The following SSBP2 variants were observed in gnomAD, a reference collection of about 807,000 sequenced individuals.
The protein encoded by SSBP2 is single-stranded DNA-binding protein 2.
Under a neutral mutation model 61.8 loss-of-function variants are expected in SSBP2, and 17 were observed. That is an observed-to-expected ratio of 0.28 (90% CI 0.19 to 0.41). The LOEUF is 0.41. Among genes scored for constraint, SSBP2 ranks in the 10% least tolerant of loss-of-function variants. The pLI is 1.00. For synonymous variants in SSBP2, 139 were observed against 141.3 expected (o/e 0.98, Z 0.12); for missense variants, 310 against 458.7 (o/e 0.68, Z 2.96).
At chr5:81,669,282 T>C (rs564590000) in intron 1 of SSBP2, among the ~76,000 whole-genome samples, 1 of 152,284 alleles carries the variant, frequency 6.6e-6, no homozygotes, top group Non-Finnish European at 1.5e-5. Context: ...GGCAATTTCT[T>C]ACAAAGCTAA....
chr5:81,548,994 T>C (rs1193565347), intron 4 of SSBP2, among the ~76,000 whole-genome samples: 1 of 152,210 alleles, frequency 6.6e-6, no homozygotes, highest in Non-Finnish European at 1.5e-5. Context: ...TTAACTGACA[T>C]TATATTTATT....
At chr5:81,661,021 A>G (rs976573999) in intron 1 of SSBP2, among the ~76,000 whole-genome samples, 2 of 146,088 alleles carry the variant, frequency 1.4e-5, no homozygotes, top group Non-Finnish European at 3.0e-5. Context: ...GTGGGGGGTC[A>G]GGGGAGGGAG....
chr5:81,750,949 G>A, intron 1 of SSBP2, 32 bp downstream of exon 1: 2 of 1,572,862 alleles, frequency 1.3e-6, no homozygotes, highest in Non-Finnish European at 1.7e-6. Flanking sequence ...CGCGTGTGAA[G>A]GCGGAGGTGG....
At chr5:81,501,817 C>T (rs1349332349) in intron 5 of SSBP2, among the ~76,000 whole-genome samples, 1 of 151,854 alleles carries the variant, frequency 6.6e-6, no homozygotes. Context: ...CCCGCCTTGG[C>T]CTCCCAAAGT....
intron 5 of SSBP2, among the ~76,000 whole-genome samples, chr5:81,499,436 G>A (rs887938760): frequency 1.3e-5 from 2 of 152,186 alleles, no homozygotes; most frequent in Admixed American, 6.5e-5. Flanking sequence ...TTGGATAAAG[G>A]TGTGTAGCAA....
intron 1 of SSBP2, among the ~76,000 whole-genome samples, chr5:81,665,082 T>C (rs1249725508): frequency 6.6e-6 from 1 of 152,218 alleles, no homozygotes; most frequent in Non-Finnish European, 1.5e-5. Context: ...AATAGTTTTC[T>C]CTACTTCTGT....
chr5:81,543,346 T>G (rs1189494352), intron 4 of SSBP2, among the ~76,000 whole-genome samples: 1 of 152,196 alleles, frequency 6.6e-6, no homozygotes, highest in Non-Finnish European at 1.5e-5. Context: ...ACACATGTCC[T>G]TTGCAGCAAC....
At chr5:81,528,788 A>G (rs183850605) in intron 4 of SSBP2, among the ~76,000 whole-genome samples, 95 of 152,222 alleles carry the variant, frequency 6.2e-4, no homozygotes, top group African/African-American at 2.3e-3. Context: ...TCTTTAGTCA[A>G]TAATGAAAGG....
chr5:81,435,586 A>G (rs1762623617), intron 15 of SSBP2, among the ~76,000 whole-genome samples: 2 of 152,236 alleles, frequency 1.3e-5, no homozygotes, highest in African/African-American at 2.4e-5. Context: ...CAGAAGGAAT[A>G]GCAACCGATC....
chr5:81,641,102 A>G (rs894185212), intron 2 of SSBP2, among the ~76,000 whole-genome samples: 5 of 152,196 alleles, frequency 3.3e-5, no homozygotes, highest in African/African-American at 1.2e-4. Flanking sequence ...CTAGGTTTCA[A>G]TGCCAGGGTG....
At chr5:81,461,427 G>A (rs1764531373) in intron 9 of SSBP2, among the ~76,000 whole-genome samples, 1 of 151,990 alleles carries the variant, frequency 6.6e-6, no homozygotes, top group South Asian at 2.1e-4. Context: ...CACTTCTGTA[G>A]TGAAAAGTAT....
intron 6 of SSBP2, among the ~76,000 whole-genome samples, chr5:81,487,560 AAG>A (rs1334678315): frequency 1.3e-5 from 2 of 152,162 alleles, no homozygotes; most frequent in East Asian, 3.9e-4. Flanking sequence ...AAGTAAACAA[AAG>A]TATGTTCATG....
At chr5:81,640,762 C>T (rs1581231281) in intron 2 of SSBP2, among the ~76,000 whole-genome samples, 1 of 150,526 alleles carries the variant, frequency 6.6e-6, no homozygotes, top group African/African-American at 2.4e-5. Flanking sequence ...CTCAAAAACT[C>T]TGATGTCCTG....
At chr5:81,431,638 A>G (rs754924086) in intron 15 of SSBP2, among the ~76,000 whole-genome samples, 1 of 151,796 alleles carries the variant, frequency 6.6e-6, no homozygotes, top group Admixed American at 6.6e-5. Flanking sequence ...AGGCTGGAAT[A>G]CAGTGGTGAG....
At chr5:81,540,195 A>G (rs1403231395) in intron 4 of SSBP2, among the ~76,000 whole-genome samples, 1 of 152,192 alleles carries the variant, frequency 6.6e-6, no homozygotes, top group African/African-American at 2.4e-5. Flanking sequence ...TGGTGCCGCA[A>G]TAAACATATG....
intron 13 of SSBP2, 116 bp downstream of exon 13, chr5:81,442,536 TC>T: frequency 1.7e-6 from 1 of 585,548 alleles, no homozygotes; most frequent in Non-Finnish European, 3.0e-6. Flanking sequence ...TTTTTGAATA[TC>T]TAATAAGCTC....
chr5:81,550,539 A>G (rs951994165), intron 4 of SSBP2, among the ~76,000 whole-genome samples: 1 of 152,216 alleles, frequency 6.6e-6, no homozygotes, highest in Non-Finnish European at 1.5e-5. Flanking sequence ...ACACTCATCC[A>G]TTCTTTGACC....
chr5:81,550,581 C>T (rs964635490), intron 4 of SSBP2, among the ~76,000 whole-genome samples: 4 of 152,168 alleles, frequency 2.6e-5, no homozygotes, highest in African/African-American at 9.7e-5. Context: ...TGGTCTAGAA[C>T]CTCAAAATAA....
At chr5:81,512,916 C>G (rs1480694688) in intron 5 of SSBP2, among the ~76,000 whole-genome samples, 1 of 151,878 alleles carries the variant, frequency 6.6e-6, no homozygotes, top group Non-Finnish European at 1.5e-5. Flanking sequence ...TTTTCTTAAA[C>G]GGTATTATAA....
Sources: allele counts gnomAD v4.1 joint callset (sites outside exome capture counted in the v4.1 genomes callset), GRCh38; gene constraint gnomAD v4.1.1; transcripts MANE v1.5; gene names NCBI Gene and HGNC (gene_info 2026-07-23, HGNC 2026-07-21).